PRKN: variants seen among roughly 807,000 people sequenced by gnomAD.
PRKN encodes the protein parkin RBR E3 ubiquitin protein ligase, also known as E3 ubiquitin-protein ligase parkin.
PRKN carries 56 observed loss-of-function variants against 59.5 expected under a neutral mutation model. That is an observed-to-expected ratio of 0.94 (90% confidence interval 0.76 to 1.18). The LOEUF is 1.18. Among genes scored for constraint, PRKN ranks in the 50% most tolerant of loss-of-function variants. The pLI, the probability that PRKN is intolerant of heterozygous loss-of-function variation, is 0.00. For missense variants in PRKN, 657 were observed against 596.4 expected (o/e 1.10, Z -1.06); for synonymous variants, 250 against 222.1 (o/e 1.13, Z -1.12).
At chr6:161,737,330 G>A (rs555263976) in intron 7 of PRKN, among the ~76,000 whole-genome samples, 1 of 152,180 alleles carries the variant, frequency 6.6e-6, no homozygotes, top group Non-Finnish European at 1.5e-5. Context: ...TGAGGACAGC[G>A]GGCGCCCTTG....
At position 162,523,307 on chromosome 6, in the gene PRKN, G is replaced by C. The variant is rs549921038; in HGVS notation, c.8-79834C>G. ...TTGTTGTTTAGATATTAGATGTGAC[G>C]AGCTGAAAGTCTCAATGGAAGCGAT... is the stretch of plus-strand genomic sequence containing the variant. On this transcript the variant is annotated intron_variant, in intron 1 of 11. Coordinates refer to ENST00000366898, the MANE Select transcript of PRKN (RefSeq NM_004562.3). 2.2e-4 allele frequency among the ~76,000 whole-genome samples: 33 copies of C among 152,146 alleles called. 1 individual carries two copies. The highest frequency in any genetic ancestry group is 3.1e-4 in the Non-Finnish European group (21 of 68,024).
intron 1 of PRKN, among the ~76,000 whole-genome samples, chr6:162,469,498 GT>G: frequency 1.4e-5 from 2 of 145,434 alleles, no homozygotes; most frequent in Non-Finnish European, 3.0e-5. Flanking sequence ...TGGTATGTGT[GT>G]GTGTGTGTAT....
Position 161,526,136 on chromosome 6 carries a change from G to T in PRKN, c.1083+22718C>A, listed in dbSNP as rs1779008212. Among the ~76,000 whole-genome samples the T allele has an allele frequency of 6.6e-6, 1 of 152,024 alleles. No individual in the cohort carries two copies. The highest frequency in any genetic ancestry group is 2.4e-5 in the African/African-American group (1 of 41,412). On this transcript the variant is annotated intron_variant, in intron 9 of 11. Transcript: ENST00000366898. The surrounding 1 kb of genome is among the most constrained non-coding windows in gnomAD (Gnocchi z 4.1). ...CTTTTCCAACCTTCCTAAAAAAAAA[G>T]GTCAGTCCCATAAATACTCTCATCA...
chr6:162,053,675 A>T (rs900855310), intron 5 of PRKN, among the ~76,000 whole-genome samples: 4 of 152,194 alleles, frequency 2.6e-5, no homozygotes, highest in Non-Finnish European at 4.4e-5. Flanking sequence ...TAGATAAAGC[A>T]GAAAAAAAAA....
intron 4 of PRKN, among the ~76,000 whole-genome samples, chr6:162,161,443 C>A (rs1365257293): frequency 1.3e-5 from 2 of 152,116 alleles, no homozygotes; most frequent in Non-Finnish European, 2.9e-5. Flanking sequence ...CAGTAAATTG[C>A]GGACTGAAAA....
At chr6:161,648,198 T>C (rs1784025825) in intron 7 of PRKN, among the ~76,000 whole-genome samples, 1 of 152,222 alleles carries the variant, frequency 6.6e-6, no homozygotes, top group Non-Finnish European at 1.5e-5. Flanking sequence ...TTTTGCCTTA[T>C]TATTTTTTTA....
intron 9 of PRKN, among the ~76,000 whole-genome samples, chr6:161,387,429 C>T (rs978836621): frequency 2.1e-4 from 32 of 152,210 alleles, no homozygotes; most frequent in African/African-American, 7.5e-4. Flanking sequence ...CTGAGGCCTA[C>T]TCAGCCCTGC....
At chr6:162,351,673 T>C (rs1784632924) in intron 2 of PRKN, among the ~76,000 whole-genome samples, 1 of 152,134 alleles carries the variant, frequency 6.6e-6, no homozygotes, top group African/African-American at 2.4e-5. Context: ...TCAGAACAGA[T>C]AAACAAACTG....
chr6:162,009,977 G>C lies in PRKN; in HGVS notation c.619-36560C>G, dbSNP rs144904941. Among the ~76,000 whole-genome samples, 376 of 151,506 alleles carry C rather than the reference G, an allele frequency of 2.5e-3. 2 individuals carry two copies. The highest frequency in any genetic ancestry group is 6.8e-3 in the Middle Eastern group (2 of 294). ...TTCTGGTTCATAACTAGGTGTACTT[G>C]TAAAAGTTGTTTATAACTTCAACAT... On this transcript the variant is annotated intron_variant, in intron 5 of 11. Coordinates refer to ENST00000366898, the MANE Select transcript of PRKN (RefSeq NM_004562.3).
Position 161,360,239 on chromosome 6 carries a change from A to C in PRKN, c.1168-34T>G. 33 of 1,473,272 alleles carry C rather than the reference A, an allele frequency of 2.2e-5. No individual in the cohort carries two copies. Among genetic ancestry groups the C allele is most frequent in the Non-Finnish European group, 2.8e-5 (29 of 1,050,920 alleles). 91.3% of individuals were successfully genotyped at this position (1,473,272 alleles called of 1,614,324 possible). On this transcript the variant is annotated intron_variant, in intron 10 of 11. Transcript: ENST00000366898. The surrounding 1 kb of genome is among the most constrained non-coding windows in gnomAD (Gnocchi z 5.1). ...ACAAAGAGGAAAGGCGTTTAATCTC[A>C]GCTTTCTATTACTGGGATCAGAGTT...
At chr6:161,866,964 T>C (rs990621019) in intron 6 of PRKN, among the ~76,000 whole-genome samples, 3 of 152,184 alleles carry the variant, frequency 2.0e-5, no homozygotes, top group African/African-American at 4.8e-5. Flanking sequence ...CCACCTGGAC[T>C]GGGATCACTG....
At chr6:162,627,694 T>C (rs891972712) in intron 1 of PRKN, among the ~76,000 whole-genome samples, 1 of 151,984 alleles carries the variant, frequency 6.6e-6, no homozygotes, top group Non-Finnish European at 1.5e-5. Flanking sequence ...GCGAAACAAA[T>C]AGGTGGAGAG....
intron 1 of PRKN, among the ~76,000 whole-genome samples, chr6:162,601,787 C>G (rs990241163): frequency 6.6e-6 from 1 of 151,796 alleles, no homozygotes; most frequent in Non-Finnish European, 1.5e-5. Context: ...ATAAGACACC[C>G]CTAGATTTTA....
intron 2 of PRKN, among the ~76,000 whole-genome samples, chr6:162,317,797 A>G (rs1256821535): frequency 1.3e-5 from 2 of 152,034 alleles, no homozygotes; most frequent in Non-Finnish European, 2.9e-5. Flanking sequence ...AAGTAAATGT[A>G]TATCCTGGGA....
intron 1 of PRKN, among the ~76,000 whole-genome samples, chr6:162,502,474 G>T (rs1793419822): frequency 6.6e-6 from 1 of 152,116 alleles, no homozygotes; most frequent in African/African-American, 2.4e-5. Flanking sequence ...TACCTCCTGA[G>T]ATGAAGCAAG....
chr6:161,682,145 T>C (rs904144409), intron 7 of PRKN, among the ~76,000 whole-genome samples: 6 of 152,086 alleles, frequency 3.9e-5, no homozygotes, highest in African/African-American at 1.2e-4. Flanking sequence ...TGGCCAGGTG[T>C]CCACAGGGAG....
At chr6:162,277,446 G>C (rs1034247266) in intron 2 of PRKN, among the ~76,000 whole-genome samples, 2 of 152,076 alleles carry the variant, frequency 1.3e-5, no homozygotes, top group African/African-American at 4.8e-5. Context: ...ATTTTTGAAG[G>C]TGCAAATTAG....
chr6:162,244,967 G>A (rs953533949), intron 3 of PRKN, among the ~76,000 whole-genome samples: 1 of 152,040 alleles, frequency 6.6e-6, no homozygotes, highest in South Asian at 2.1e-4. Flanking sequence ...TTCACAAACT[G>A]TTAGAAGAAA....
chr6:162,284,376 A>C (rs535282352), intron 2 of PRKN, among the ~76,000 whole-genome samples: 153 of 151,908 alleles, frequency 1.0e-3, no homozygotes, highest in African/African-American at 3.6e-3. Flanking sequence ...AGACATGTGC[A>C]ACCATGCCCA....
Sources: gnomAD v4.1 joint callset for allele counts (sites outside exome capture counted in the v4.1 genomes callset) on GRCh38, gnomAD v4.1.1 for gene constraint, Gnocchi (gnomAD v3.1) non-coding constraint, MANE v1.5 for transcripts, NCBI Gene and HGNC (gene_info 2026-07-23, HGNC 2026-07-21) for gene names.